Variants in PKD1L3 observed in about 807,000 individuals in gnomAD.
The protein encoded by PKD1L3 is polycystin-1-like protein 3.
PKD1L3 carries 239 observed loss-of-function variants against 184.1 expected under a neutral mutation model. The observed-to-expected ratio is 1.30, with a 90% CI of 1.17 to 1.45. PKD1L3 has a LOEUF of 1.45. Ranked by LOEUF, PKD1L3 falls within the 40% of genes most tolerant of loss-of-function variation. PKD1L3 has a pLI of 0.00. For missense variants in PKD1L3, 2,660 were observed against 2,067.2 expected, an observed-to-expected ratio of 1.29 and a Z score of -5.56; for synonymous variants, 996 against 778.8, an observed-to-expected ratio of 1.28 and a Z score of -4.64.
At chr16:71,949,318 T>C (rs1182179684) in intron 21 of PKD1L3, among the ~76,000 whole-genome samples, 1 of 151,772 alleles carries the variant, frequency 6.6e-6, no homozygotes, top group Admixed American at 6.6e-5. Context: ...CACTTATCCC[T>C]AACAAATGTC....
chr16:71,961,453 G>A (rs1255910754), intron 16 of PKD1L3, among the ~76,000 whole-genome samples: 1 of 152,086 alleles, frequency 6.6e-6, no homozygotes, highest in Non-Finnish European at 1.5e-5. Context: ...TTCAAAGTTA[G>A]GACATAAAAG....
intron 4 of PKD1L3, among the ~76,000 whole-genome samples, chr16:71,989,956 T>C (rs1387678551): frequency 6.6e-6 from 1 of 151,978 alleles, no homozygotes; most frequent in Non-Finnish European, 1.5e-5. Flanking sequence ...AGGCCTGTAA[T>C]CCCAGCTACT....
chr16:71,955,545 T>G (rs2039012478), intron 16 of PKD1L3, among the ~76,000 whole-genome samples: 1 of 151,824 alleles, frequency 6.6e-6, no homozygotes, highest in Non-Finnish European at 1.5e-5. Flanking sequence ...TGGAGTGGAG[T>G]GCAGTGGTGA....
intron 12 of PKD1L3, among the ~76,000 whole-genome samples, chr16:71,970,353 G>A (rs1450593133): frequency 6.6e-6 from 1 of 152,172 alleles, no homozygotes; most frequent in East Asian, 1.9e-4. Context: ...TAGGGGAACT[G>A]TGCACATGTG....
At position 71,936,650 on chromosome 16, in the gene PKD1L3, G is replaced by C. The variant is rs886301848; in HGVS notation, c.4452+642C>G. Among the ~76,000 whole-genome samples, 11 of 151,200 alleles carry C rather than the reference G, an allele frequency of 7.3e-5. No individual in the cohort carries two copies. The Middle Eastern group carries it at 0.01, about 142-fold the overall frequency. Reference sequence around the variant, plus strand: ...TTACAGGCATATGCCACCACGCCCGGCTAAATTTGTATTTTTAGTAGAGAC... The same window carrying C: ...TTACAGGCATATGCCACCACGCCCGCCTAAATTTGTATTTTTAGTAGAGAC... On this transcript the variant is annotated intron_variant, in intron 25 of 29. Transcript: ENST00000620267.
intron 28 of PKD1L3, 48 bp from the exon 29 acceptor site, chr16:71,930,231 A>G (rs2037890195): frequency 6.7e-7 from 1 of 1,492,736 alleles, no homozygotes; most frequent in South Asian, 1.3e-5. Flanking sequence ...TTTAGTTTAT[A>G]CTTTACAAAC....
intron 28 of PKD1L3, 136 bp from the exon 29 acceptor site, chr16:71,930,319 A>T: frequency 1.2e-6 from 1 of 867,028 alleles, no homozygotes; most frequent in Non-Finnish European, 1.6e-6. Flanking sequence ...GAGTCAAAAG[A>T]TAATAAGAAG....
At chr16:71,953,212 A>AG in intron 17 of PKD1L3, 119 bp from the exon 18 acceptor site, 1 of 847,194 alleles carries the variant, frequency 1.2e-6, no homozygotes, top group Non-Finnish European at 1.7e-6. Flanking sequence ...TAGAGATAAA[A>AG]TTATCCTGGC....
intron 11 of PKD1L3, among the ~76,000 whole-genome samples, chr16:71,975,402 T>C (rs1384611596): frequency 6.6e-6 from 1 of 152,060 alleles, no homozygotes; most frequent in Non-Finnish European, 1.5e-5. Flanking sequence ...TTCTTAACTT[T>C]TCTAAACTAC....
intron 13 of PKD1L3, among the ~76,000 whole-genome samples, chr16:71,968,788 G>T (rs2096931576): frequency 6.6e-6 from 1 of 152,020 alleles, no homozygotes; most frequent in Admixed American, 6.6e-5. Context: ...TAGAGACAGG[G>T]TTTCACCATG....
In PKD1L3 at chr16:71,950,976, C is replaced by G. The variant is rs138149560; in HGVS notation, c.3190+588G>C. Among the ~76,000 whole-genome samples, 730 of 151,864 alleles carry G rather than the reference C, an allele frequency of 4.8e-3. 6 individuals carry two copies. The highest frequency in any genetic ancestry group is 0.017 in the African/African-American group (703 of 41,346). On this transcript the variant is annotated intron_variant, in intron 19 of 29. Coordinates refer to ENST00000620267, the MANE Select transcript of PKD1L3 (RefSeq NM_181536.2). The stretch of plus-strand genomic sequence containing the variant: ...CAGGCTGGTTTTGAACTTCTGACCT[C>G]AGGTGATCTGCATGCCTTGGCCTCC...
At chr16:71,997,604 C>G (rs1033405418) in intron 2 of PKD1L3, among the ~76,000 whole-genome samples, 1 of 151,968 alleles carries the variant, frequency 6.6e-6, no homozygotes, top group Admixed American at 6.6e-5. Flanking sequence ...CAAAATTAGC[C>G]GGGCATGGTG....
At chr16:71,947,730 A>G (rs915350765) in intron 21 of PKD1L3, 139 bp from the exon 22 acceptor site, 1 of 616,634 alleles carries the variant, frequency 1.6e-6, no homozygotes, top group Non-Finnish European at 2.8e-6. Context: ...CTAATTTCAC[A>G]TTAATTTTTG....
intron 25 of PKD1L3, among the ~76,000 whole-genome samples, chr16:71,936,044 C>T (rs948609613): frequency 6.6e-6 from 1 of 151,978 alleles, no homozygotes; most frequent in Non-Finnish European, 1.5e-5. Flanking sequence ...GATCTGCCTA[C>T]CTCAGCCTCC....
intron 12 of PKD1L3, 151 bp downstream of exon 12, chr16:71,973,173 C>G (rs2039782439): frequency 1.1e-6 from 1 of 946,046 alleles, no homozygotes; most frequent in African/African-American, 1.7e-5. Context: ...CCACCACACA[C>G]AACCCTCCTC....
chr16:71,979,947 G>C (rs1188797707), intron 8 of PKD1L3, 35 bp from the exon 9 acceptor site: 6 of 1,549,118 alleles, frequency 3.9e-6, no homozygotes, highest in Non-Finnish European at 4.4e-6. Context: ...GTCAATTTTT[G>C]TGTGTCCTCT....
chr16:71,983,754 C>T (rs2040254608), intron 6 of PKD1L3, among the ~76,000 whole-genome samples: 1 of 143,300 alleles, frequency 7.0e-6, no homozygotes, highest in African/African-American at 2.6e-5. Context: ...GCCTCTGCCT[C>T]CTGGGTTCAA....
At chr16:71,978,225 C>G (rs1424597406) in intron 10 of PKD1L3, 30 bp downstream of exon 10, 1 of 1,538,670 alleles carries the variant, frequency 6.5e-7, no homozygotes, top group South Asian at 1.2e-5. Context: ...CCATTCTCTT[C>G]TATTTTATTC....
chr16:71,933,916 G>C lies in PKD1L3; in HGVS notation c.4823C>G (p.Ala1608Gly). 1 of 1,550,758 alleles carries C rather than the reference G, an allele frequency of 6.4e-7. No homozygotes were observed. The highest frequency in any genetic ancestry group is 8.7e-7 in the Non-Finnish European group (1 of 1,146,498). ...AGAGACAGCAACGTGGGGGCTTACGGCAATGGCATAGCCTGTCAGCAGGAT... is the reference window on the plus strand; with the variant it reads ...AGAGACAGCAACGTGGGGGCTTACGCCAATGGCATAGCCTGTCAGCAGGAT... Reference protein sequence around the residue: ...ILILLTGYAIAFNLLFGCSIS... With the variant: ...ILILLTGYAIGFNLLFGCSIS... The change falls in exon 27 of 30, where the codon GCC (alanine) becomes GGC (glycine). Residue 1608 changes from alanine to glycine, a missense_variant and splice_region_variant. Ala to Gly is a moderately conservative substitution (Grantham distance 60). Coordinates refer to ENST00000620267, the MANE Select transcript of PKD1L3 (RefSeq NM_181536.2).
Sources: gnomAD v4.1 joint callset for allele counts (sites outside exome capture counted in the v4.1 genomes callset) on GRCh38, gnomAD v4.1.1 for gene constraint, MANE v1.5 for transcripts, NCBI Gene and HGNC (gene_info 2026-07-23, HGNC 2026-07-21) for gene names.